The following NSUN3 variants were observed in gnomAD, a reference collection of about 807,000 sequenced individuals.
NSUN3 encodes the protein tRNA (cytosine(34)-C(5))-methyltransferase, mitochondrial.
Under a neutral mutation model 36.8 loss-of-function variants are expected in NSUN3, and 24 were observed. The observed-to-expected ratio is 0.65, with a 90% CI of 0.47 to 0.92. The LOEUF is 0.92. Among genes scored for constraint, NSUN3 ranks in the 40% least tolerant of loss-of-function variants. NSUN3 has a pLI of 0.00. For missense variants in NSUN3, 381 were observed against 392.8 expected (o/e 0.97, Z 0.25); for synonymous variants, 146 against 145.2 (o/e 1.01, Z -0.04).
At chr3:94,084,041 T>C in intron 2 of NSUN3, 66 bp from the exon 3 acceptor site, 1 of 1,157,620 alleles carries the variant, frequency 8.6e-7, no homozygotes, top group African/African-American at 1.6e-5. Flanking sequence ...ACCTGATTCG[T>C]AATATAAAAT....
At chr3:94,101,566 A>G (rs1212527988) in intron 5 of NSUN3, among the ~76,000 whole-genome samples, 3 of 152,196 alleles carry the variant, frequency 2.0e-5, no homozygotes, top group Admixed American at 6.5e-5. Context: ...TACAGAACAC[A>G]AAGATAAAAG....
chr3:94,070,317 T>A (rs1256303901), intron 2 of NSUN3, among the ~76,000 whole-genome samples: 1 of 151,908 alleles, frequency 6.6e-6, no homozygotes, highest in Non-Finnish European at 1.5e-5. Flanking sequence ...AGCAATTAGC[T>A]GGGTGTGGTG....
chr3:94,089,915 A>G (rs1025535183), intron 3 of NSUN3, among the ~76,000 whole-genome samples: 1 of 152,172 alleles, frequency 6.6e-6, no homozygotes, highest in Non-Finnish European at 1.5e-5. Context: ...CTGCAGACCC[A>G]TATGGATTTA....
chr3:94,085,584 C>T (rs1024305338), intron 3 of NSUN3, among the ~76,000 whole-genome samples: 1 of 152,138 alleles, frequency 6.6e-6, no homozygotes, highest in African/African-American at 2.4e-5. Flanking sequence ...TGGGAAAACC[C>T]TGTCTGTACA....
chr3:94,067,863 G>T (rs555465520), intron 2 of NSUN3, among the ~76,000 whole-genome samples: 1 of 152,070 alleles, frequency 6.6e-6, no homozygotes, highest in Non-Finnish European at 1.5e-5. Flanking sequence ...TACCCACTCT[G>T]TCATGCTGTT....
intron 2 of NSUN3, among the ~76,000 whole-genome samples, chr3:94,072,162 G>A (rs1251075183): frequency 1.3e-5 from 2 of 152,170 alleles, no homozygotes; most frequent in Non-Finnish European, 2.9e-5. Context: ...GGGTTTCAGG[G>A]AGGTCATGGC....
intron 3 of NSUN3, among the ~76,000 whole-genome samples, chr3:94,088,954 C>T (rs1182628559): frequency 6.6e-6 from 1 of 152,178 alleles, no homozygotes; most frequent in Non-Finnish European, 1.5e-5. Context: ...CAGGCATGAG[C>T]CCCCACGCCT....
In NSUN3 at chr3:94,130,357, A is replaced by T. The variant is rs2077504794; in HGVS notation, c.*3867A>T. On this transcript the variant is annotated 3_prime_UTR_variant, in exon 6 of 6. Transcript: ENST00000314622. ...ATATCAGAGTTAATACTGTGAAGAG[A>T]CAAAATAATGAGAATACTTTTACCA... Among the ~76,000 whole-genome samples, 1 of 152,198 alleles carries T rather than the reference A, an allele frequency of 6.6e-6. No homozygotes were observed. The highest frequency in any genetic ancestry group is 2.1e-4 in the South Asian group (1 of 4,830).
intron 4 of NSUN3, among the ~76,000 whole-genome samples, chr3:94,094,576 G>A (rs2107255445): frequency 6.6e-6 from 1 of 152,302 alleles, no homozygotes; most frequent in South Asian, 2.1e-4. Flanking sequence ...GGTCAGTACT[G>A]TATTGCTTTA....
At chr3:94,079,932 G>GT (rs1330865602) in intron 2 of NSUN3, among the ~76,000 whole-genome samples, 1 of 152,066 alleles carries the variant, frequency 6.6e-6, no homozygotes, top group East Asian at 1.9e-4. Flanking sequence ...ACTTCTGTCA[G>GT]TTTGTCAAAC....
intron 5 of NSUN3, among the ~76,000 whole-genome samples, chr3:94,120,304 A>G (rs992989527): frequency 2.6e-5 from 4 of 152,190 alleles, no homozygotes; most frequent in African/African-American, 9.7e-5. Context: ...TATCTTAACC[A>G]TTTTTAAGTG....
At position 94,071,913 on chromosome 3, in the gene NSUN3, A is replaced by G. The variant is rs575521187; in HGVS notation, c.122+7367A>G. ...CTTTCCCTCCAGCCCCAGGTTAGCA[A>G]CCCACCCAGTGCAGGCACAGGAGGG... On this transcript the variant is annotated intron_variant, in intron 2 of 5. Transcript: ENST00000314622. Among the ~76,000 whole-genome samples the G allele has an allele frequency of 3.8e-3, 582 of 152,266 alleles. 7 individuals carry two copies. The highest frequency in any genetic ancestry group is 4.4e-3 in the Non-Finnish European group (299 of 68,018).
At chr3:94,076,716 C>A in intron 2 of NSUN3, 1 of 1,346,186 alleles carries the variant, frequency 7.4e-7, no homozygotes, top group Non-Finnish European at 1.1e-6. Flanking sequence ...TTTGTATAGT[C>A]CAAGATAAGA....
chr3:94,075,668 G>T (rs1202730199), intron 2 of NSUN3, among the ~76,000 whole-genome samples: 2 of 151,938 alleles, frequency 1.3e-5, no homozygotes, highest in Admixed American at 1.3e-4. Flanking sequence ...TTAGACCAGG[G>T]TTTGTTACTA....
intron 3 of NSUN3, 104 bp downstream of exon 3, chr3:94,084,554 C>T: frequency 1.2e-6 from 1 of 815,696 alleles, no homozygotes; most frequent in Non-Finnish European, 1.8e-6. Flanking sequence ...AGTTTGCAAA[C>T]TCAGGAAGCC....
intron 5 of NSUN3, among the ~76,000 whole-genome samples, chr3:94,099,622 T>A (rs2965): frequency 6.6e-6 from 1 of 151,750 alleles, no homozygotes; most frequent in African/African-American, 2.4e-5. Context: ...CCAAAATTCC[T>A]AGTCCCTTGG....
chr3:94,123,393 TG>T (rs2077472403), intron 5 of NSUN3, among the ~76,000 whole-genome samples: 1 of 152,340 alleles, frequency 6.6e-6, no homozygotes, highest in African/African-American at 2.4e-5. Context: ...TTTTATGAGT[TG>T]GCTGCAAATA....
intron 2 of NSUN3, among the ~76,000 whole-genome samples, chr3:94,075,693 A>G (rs2077242734): frequency 6.6e-6 from 1 of 152,154 alleles, no homozygotes; most frequent in African/African-American, 2.4e-5. Flanking sequence ...ATTCCTGAAG[A>G]AAATTTCAAC....
intron 5 of NSUN3, among the ~76,000 whole-genome samples, chr3:94,099,226 GAGTTT>G (rs2077355171): frequency 1.3e-5 from 2 of 152,088 alleles, no homozygotes; most frequent in African/African-American, 4.8e-5. Flanking sequence ...CATGGCTATA[GAGTTT>G]AGTTTTTTTT....
Sources: gnomAD v4.1 joint callset for allele counts (sites outside exome capture counted in the v4.1 genomes callset) on GRCh38, gnomAD v4.1.1 for gene constraint, MANE v1.5 for transcripts, NCBI Gene and HGNC (gene_info 2026-07-23, HGNC 2026-07-21) for gene names.